Variants in CD1B observed in about 807,000 individuals in gnomAD.
CD1B encodes T-cell surface glycoprotein CD1b.
In CD1B, 43 loss-of-function variants were observed where a neutral mutation model predicts 39.8. The observed-to-expected ratio is 1.08, with a 90% CI of 0.85 to 1.39. The LOEUF is 1.39. CD1B is among the 40% of genes most tolerant of loss of function. The probability of loss-of-function intolerance (pLI) is 0.00; values close to 1 mark genes in which losing one functional copy is unlikely to be tolerated. For synonymous variants in CD1B, 192 were observed against 152.5 expected (o/e 1.26, Z -1.91); for missense variants, 495 against 403.8 (o/e 1.23, Z -1.94).
the CD1B span, among the ~76,000 whole-genome samples, chr1:158,307,382 A>C: frequency 6.6e-6 from 1 of 152,234 alleles, no homozygotes; most frequent in Non-Finnish European, 1.5e-5. Context: ...AGACTAAATC[A>C]GGAAGAATTT....
chr1:158,316,970 G>C, the CD1B span, among the ~76,000 whole-genome samples: 1 of 151,180 alleles, frequency 6.6e-6, no homozygotes, highest in Non-Finnish European at 1.5e-5. Context: ...TTATTGATTT[G>C]CGTATATTGA....
At chr1:158,289,469 A>G in the CD1B span, among the ~76,000 whole-genome samples, 2 of 152,232 alleles carry the variant, frequency 1.3e-5, no homozygotes, top group Non-Finnish European at 2.9e-5. Context: ...TGGAAGATGT[A>G]AAAAGCAACG....
chr1:158,292,054 ACT>A, the CD1B span: 1 of 1,579,054 alleles, frequency 6.3e-7, no homozygotes, highest in Non-Finnish European at 8.6e-7. Context: ...TTTTGTTTGA[ACT>A]CTTTTTCTCA....
At chr1:158,292,357 A>G in the CD1B span, 7 of 1,613,480 alleles carry the variant, frequency 4.3e-6, no homozygotes, top group East Asian at 1.3e-4. Context: ...ATGTATGTAC[A>G]CAGGCAAGGT....
chr1:158,286,994 C>T, the CD1B span, among the ~76,000 whole-genome samples: 1 of 152,170 alleles, frequency 6.6e-6, no homozygotes, highest in Non-Finnish European at 1.5e-5. Flanking sequence ...CAGTCTTGCT[C>T]TCCTCCTCCA....
the CD1B span, chr1:158,290,180 G>A: frequency 6.6e-7 from 1 of 1,516,800 alleles, no homozygotes; most frequent in African/African-American, 1.4e-5. Flanking sequence ...GAGTGTGCTG[G>A]GCTTTCCCGA....
downstream of CD1B, among the ~76,000 whole-genome samples, chr1:158,327,635 G>A (rs1049578793): frequency 6.6e-6 from 1 of 152,172 alleles, no homozygotes; most frequent in African/African-American, 2.4e-5. Flanking sequence ...CTGTCCTCAA[G>A]GAACTTACAA....
chr1:158,291,096 T>C, the CD1B span: 2 of 1,569,070 alleles, frequency 1.3e-6, no homozygotes, highest in Non-Finnish European at 1.7e-6. Flanking sequence ...CTCTTTTTTT[T>C]TTTTTCCTTA....
chr1:158,312,469 A>G, the CD1B span, among the ~76,000 whole-genome samples: 1 of 152,210 alleles, frequency 6.6e-6, no homozygotes, highest in South Asian at 2.1e-4. Flanking sequence ...TGTCTTTATT[A>G]GCAGGACGAA....
downstream of CD1B, among the ~76,000 whole-genome samples, chr1:158,326,023 G>T (rs920244191): frequency 1.3e-5 from 2 of 152,136 alleles, no homozygotes; most frequent in African/African-American, 4.8e-5. Context: ...AAGCTGGAGT[G>T]CAGTGGCGCG....
At chr1:158,291,981 T>G in the CD1B span, 1 of 1,166,262 alleles carries the variant, frequency 8.6e-7, no homozygotes. Flanking sequence ...CTCACATCCA[T>G]GTAAAACTTT....
At chr1:158,328,648 G>A (rs1415664193) in intron 5 of CD1B, among the ~76,000 whole-genome samples, 1 of 152,186 alleles carries the variant, frequency 6.6e-6, no homozygotes, top group Admixed American at 6.5e-5. Flanking sequence ...TTGCAAGACA[G>A]AAGAGTTTTG....
chr1:158,319,729 G>T, the CD1B span, among the ~76,000 whole-genome samples: 1 of 152,234 alleles, frequency 6.6e-6, no homozygotes, highest in East Asian at 1.9e-4. Flanking sequence ...TTTGGAGGAG[G>T]AGAGGCGCTC....
the CD1B span, among the ~76,000 whole-genome samples, chr1:158,317,172 C>G: frequency 1.3e-5 from 2 of 151,920 alleles, no homozygotes; most frequent in Non-Finnish European, 2.9e-5. Flanking sequence ...TGATGCTGGC[C>G]TCATAAAATG....
At chr1:158,328,310 C>T (rs1488955619) in intron 5 of CD1B, 53 bp from the exon 6 acceptor site, 2 of 1,421,030 alleles carry the variant, frequency 1.4e-6, no homozygotes, top group Admixed American at 3.5e-5. Context: ...TTTGTACACC[C>T]ATGCTCATAG....
chr1:158,309,104 G>C, the CD1B span, among the ~76,000 whole-genome samples: 1 of 152,124 alleles, frequency 6.6e-6, no homozygotes. Flanking sequence ...CTAATATCCA[G>C]AATCTACTAT....
At chr1:158,302,495 A>C in the CD1B span, among the ~76,000 whole-genome samples, 1 of 152,040 alleles carries the variant, frequency 6.6e-6, no homozygotes, top group Non-Finnish European at 1.5e-5. Flanking sequence ...AAACAAAAAA[A>C]TTGGTAATTT....
the CD1B span, chr1:158,293,382 TG>T: frequency 6.3e-7 from 1 of 1,594,178 alleles, no homozygotes; most frequent in Non-Finnish European, 8.6e-7. Context: ...TTTTCTCTAT[TG>T]ACTACTCCAC....
chr1:158,298,216 C>T, the CD1B span, among the ~76,000 whole-genome samples: 3 of 152,078 alleles, frequency 2.0e-5, no homozygotes, highest in African/African-American at 7.3e-5. Context: ...TATATATGCA[C>T]CCAACACAGG....
Sources: allele counts gnomAD v4.1 joint callset (sites outside exome capture counted in the v4.1 genomes callset), GRCh38; gene constraint gnomAD v4.1.1; transcripts MANE v1.5; gene names NCBI Gene and HGNC (gene_info 2026-07-23, HGNC 2026-07-21).